The following CELF2 variants were observed in gnomAD, a reference collection of about 807,000 sequenced individuals.
CELF2 encodes CUG triplet repeat RNA-binding protein 2.
CELF2 carries 8 observed loss-of-function variants against 62.6 expected under a neutral mutation model. The ratio of observed to expected loss-of-function variants is 0.13; its 90% CI spans 0.07 to 0.23. CELF2 has a LOEUF of 0.23. CELF2 is among the 10% of genes least tolerant of loss of function. The pLI, the probability that CELF2 is intolerant of heterozygous loss-of-function variation, is 1.00. For missense variants in CELF2, 333 were observed against 671.0 expected (o/e 0.50, Z 5.56); for synonymous variants, 258 against 250.0 (o/e 1.03, Z -0.30).
chr10:11,297,628 G>A lies in CELF2; in HGVS notation c.976+9076G>A, dbSNP rs2093329322. 6.6e-6 allele frequency among the ~76,000 whole-genome samples: 1 copy of A among 152,172 alleles called. No homozygotes were observed. The highest frequency in any genetic ancestry group is 1.5e-5 in the Non-Finnish European group (1 of 68,040). ...GTTGACAGTTTTGCAGGCAGTGAGAGAGGACACAATTCTATATGACATGTT... is the reference window on the plus strand; with the variant it reads ...GTTGACAGTTTTGCAGGCAGTGAGAAAGGACACAATTCTATATGACATGTT... On this transcript the variant is annotated intron_variant, in intron 9 of 12. Transcript: ENST00000633077. This position sits in a 1 kb window ranked among gnomAD's most constrained non-coding sequence, Gnocchi z 4.4.
the CELF2 span, among the ~76,000 whole-genome samples, chr10:10,549,308 G>T: frequency 6.6e-6 from 1 of 152,178 alleles, no homozygotes; most frequent in African/African-American, 2.4e-5. Context: ...TTTTGAGACA[G>T]AGTCTTGCTC....
At position 10,928,848 on chromosome 10, in the gene CELF2, G is replaced by T. The variant is rs1364001414; in HGVS notation, c.89+8849G>T. Among the ~76,000 whole-genome samples the T allele has an allele frequency of 6.6e-6, 1 of 152,136 alleles. No homozygotes were observed. The highest frequency in any genetic ancestry group is 1.5e-5 in the Non-Finnish European group (1 of 68,014). ...CACTAAAATCCTATTACTATTTGTT[G>T]TTTGTCCCCAGTGCCTAGCAGTGCC... On this transcript the variant is annotated intron_variant, in intron 2 of 13. Coordinates refer to the CELF2 transcript ENST00000636488. The surrounding 1 kb of genome is among the most constrained non-coding windows in gnomAD (Gnocchi z 4.8).
chr10:11,148,232 C>T (rs1242454092), intron 1 of CELF2, among the ~76,000 whole-genome samples: 1 of 152,172 alleles, frequency 6.6e-6, no homozygotes, highest in Non-Finnish European at 1.5e-5. Context: ...AAAGGTATTT[C>T]AGCCGTACTC....
chr10:10,714,499 A>C, the CELF2 span, among the ~76,000 whole-genome samples: 1 of 152,194 alleles, frequency 6.6e-6, no homozygotes, highest in Admixed American at 6.5e-5. Context: ...AGGGGAAAAA[A>C]AATCACAGAC....
At chr10:10,505,373 G>C in the CELF2 span, among the ~76,000 whole-genome samples, 3 of 152,060 alleles carry the variant, frequency 2.0e-5, no homozygotes, top group Non-Finnish European at 4.4e-5. Context: ...CTGACACCAT[G>C]GTGAGGGTGA....
chr10:10,910,715 A>AG (rs1554878821), intron 1 of CELF2, among the ~76,000 whole-genome samples: 57 of 149,246 alleles, frequency 3.8e-4, no homozygotes, highest in East Asian at 2.9e-3. Flanking sequence ...AAAAAAAAAA[A>AG]AAAAGAAAAG....
chr10:10,906,286 T>G (rs1023621505), intron 1 of CELF2, among the ~76,000 whole-genome samples: 4 of 152,154 alleles, frequency 2.6e-5, no homozygotes, highest in African/African-American at 9.7e-5. Context: ...TGATAAAATT[T>G]TTAATTATCC....
chr10:11,325,195 A>G (rs2095658343), intron 11 of CELF2, among the ~76,000 whole-genome samples: 1 of 152,186 alleles, frequency 6.6e-6, no homozygotes. Flanking sequence ...CATCCACTGC[A>G]TTCATCTCCA....
chr10:10,555,281 C>CTT, the CELF2 span, among the ~76,000 whole-genome samples: 21,514 of 145,980 alleles, frequency 0.15, 2,484 homozygotes, highest in African/African-American at 0.32. Flanking sequence ...GCCAGAAAGT[C>CTT]TTTTTTTTTT....
intron 2 of CELF2, among the ~76,000 whole-genome samples, chr10:11,179,975 C>T (rs1336089926): frequency 3.9e-5 from 6 of 152,120 alleles, no homozygotes; most frequent in Admixed American, 3.3e-4. Context: ...GACTCCTAGC[C>T]CCCTAGTCTT....
chr10:10,513,011 G>A, the CELF2 span, among the ~76,000 whole-genome samples: 83 of 152,204 alleles, frequency 5.5e-4, no homozygotes, highest in African/African-American at 1.9e-3. Flanking sequence ...CCATGAAAAC[G>A]GTGCCATGGT....
At chr10:11,093,804 T>C (rs762595527) in intron 1 of CELF2, among the ~76,000 whole-genome samples, 1 of 152,234 alleles carries the variant, frequency 6.6e-6, no homozygotes, top group Non-Finnish European at 1.5e-5. Flanking sequence ...ATCTCTGTTT[T>C]ACAGTTAGAA....
rs574807978 is a variant in CELF2, at chr10:11,290,359, A to T, written c.976+1807A>T. ...GCCATGGCGCGTGTTGAGGCAGAGG[A>T]CAGAGCCAGTGGGTGGGGGAGAGCG... On this transcript the variant is annotated intron_variant, in intron 9 of 12. Coordinates refer to ENST00000633077, the MANE Select transcript of CELF2 (RefSeq NM_001326342.2). This position sits in a 1 kb window ranked among gnomAD's most constrained non-coding sequence, Gnocchi z 4.3. 6.6e-6 allele frequency among the ~76,000 whole-genome samples: 1 copy of T among 152,180 alleles called. No individual in the cohort carries two copies. The highest frequency in any genetic ancestry group is 2.1e-4 in the South Asian group (1 of 4,826).
At chr10:10,620,004 T>A in the CELF2 span, among the ~76,000 whole-genome samples, 1 of 152,008 alleles carries the variant, frequency 6.6e-6, no homozygotes, top group African/African-American at 2.4e-5. Flanking sequence ...TTTAGCCAAG[T>A]ATCACGAAAA....
rs200488983 is a variant in CELF2 at position 11,211,817 on chromosome 10, T to C, written c.272-5608T>C. Among the ~76,000 whole-genome samples, 28 of 73,480 alleles carry C rather than the reference T, an allele frequency of 3.8e-4. No homozygotes were observed. Among genetic ancestry groups the C allele is most frequent in the African/African-American group, 1.5e-3 (27 of 18,002 alleles). The allele number at this position is 73,480 out of a possible 152,430, so 48.2% of individuals were successfully genotyped here. A position where few individuals can be genotyped will look rare whatever the true frequency, so the allele number is the denominator to read the frequency against. On this transcript the variant is annotated intron_variant, in intron 2 of 12. Transcript: ENST00000633077. The surrounding 1 kb of genome is among the most constrained non-coding windows in gnomAD (Gnocchi z 4.8). The stretch of plus-strand genomic sequence containing the variant: ...GAGAGAGAGAGAGAGAGAGAGAGTG[T>C]GTGTGTGTGTGTGTGTGTGTGTGTG...
At chr10:11,225,439 G>A (rs1185412544) in intron 3 of CELF2, among the ~76,000 whole-genome samples, 1 of 152,196 alleles carries the variant, frequency 6.6e-6, no homozygotes, top group Non-Finnish European at 1.5e-5. Context: ...TCCATGCATT[G>A]TCTGTGGTCA....
intron 1 of CELF2, among the ~76,000 whole-genome samples, chr10:11,131,287 G>A (rs1425330745): frequency 1.3e-5 from 2 of 152,146 alleles, no homozygotes; most frequent in Admixed American, 6.5e-5. Flanking sequence ...GGGAGAATAC[G>A]CTGGAGCAAG....
intron 1 of CELF2, among the ~76,000 whole-genome samples, chr10:10,822,760 GT>G (rs2057069396): frequency 6.6e-6 from 1 of 152,166 alleles, no homozygotes; most frequent in Admixed American, 6.5e-5. Flanking sequence ...GAGAGAACAT[GT>G]TTTTGAACAA....
chr10:11,184,914 G>A (rs1437106663), intron 2 of CELF2, among the ~76,000 whole-genome samples: 1 of 151,766 alleles, frequency 6.6e-6, no homozygotes, highest in Non-Finnish European at 1.5e-5. Context: ...CCACTATGGA[G>A]GTGAATAGAA....
Sources: gnomAD v4.1 joint callset for allele counts (sites outside exome capture counted in the v4.1 genomes callset) on GRCh38, gnomAD v4.1.1 for gene constraint, Gnocchi (gnomAD v3.1) non-coding constraint, MANE v1.5 for transcripts, NCBI Gene and HGNC (gene_info 2026-07-23, HGNC 2026-07-21) for gene names.